Variants in MYO10 observed in about 807,000 individuals in gnomAD.
MYO10 encodes unconventional myosin-X.
MYO10 carries 133 observed loss-of-function variants against 257.3 expected under a neutral mutation model. The ratio of observed to expected loss-of-function variants is 0.52; its 90% CI spans 0.45 to 0.60. MYO10 has a LOEUF of 0.60. Ranked by LOEUF, MYO10 falls within the 20% of genes least tolerant of loss-of-function variation. MYO10 has a pLI of 0.00. For missense variants in MYO10, 2,399 were observed against 2,635.7 expected, an observed-to-expected ratio of 0.91 and a Z score of 1.97; for synonymous variants, 1,104 against 1,028.6, an observed-to-expected ratio of 1.07 and a Z score of -1.40.
chr5:16,718,268 C>CGGGATTTCACCGTGTTAG (rs1738979428), intron 19 of MYO10, among the ~76,000 whole-genome samples: 1 of 152,224 alleles, frequency 6.6e-6, no homozygotes, highest in Admixed American at 6.5e-5. Context: ...GCCGGAGCCT[C>CGGGATTTCACCGTGTTAG]CCTGACGAGC....
chr5:16,876,971 T>C (rs980705566), intron 2 of MYO10, among the ~76,000 whole-genome samples: 5 of 152,178 alleles, frequency 3.3e-5, no homozygotes, highest in Non-Finnish European at 7.4e-5. Flanking sequence ...CCTTCATGAA[T>C]GGGATTAGTG....
chr5:16,774,907 C>T (rs74692849), intron 9 of MYO10, among the ~76,000 whole-genome samples: 4 of 152,126 alleles, frequency 2.6e-5, no homozygotes, highest in African/African-American at 7.2e-5. Flanking sequence ...TTCACGCATG[C>T]GTACACAAGG....
At chr5:16,816,609 CA>C (rs1742620942) in intron 3 of MYO10, among the ~76,000 whole-genome samples, 1 of 151,402 alleles carries the variant, frequency 6.6e-6, no homozygotes, top group South Asian at 2.1e-4. Flanking sequence ...TAGCTCACTG[CA>C]AACTCCGCCT....
intron 1 of MYO10, among the ~76,000 whole-genome samples, chr5:16,892,388 C>A (rs1745084885): frequency 6.6e-6 from 1 of 152,114 alleles, no homozygotes; most frequent in African/African-American, 2.4e-5. Context: ...CGACTGTAAT[C>A]CCAGCATTGT....
intron 2 of MYO10, among the ~76,000 whole-genome samples, chr5:16,865,811 G>GATAATAATAATAATA (rs5866211): frequency 0.08 from 11,425 of 142,450 alleles, 527 homozygotes; most frequent in East Asian, 0.14. Context: ...ACTCCGTCTC[G>GATAATAATAATAATA]ATAATAATAA....
chr5:16,903,068 C>T (rs149004841), intron 1 of MYO10, among the ~76,000 whole-genome samples: 23 of 152,342 alleles, frequency 1.5e-4, no homozygotes, highest in Non-Finnish European at 2.8e-4. Context: ...ACGCTTCACA[C>T]GCACTAACTT....
At chr5:16,687,522 A>ATATATACTCCTACTGTT (rs1363040328) in intron 28 of MYO10, among the ~76,000 whole-genome samples, 3 of 151,434 alleles carry the variant, frequency 2.0e-5, no homozygotes, top group Non-Finnish European at 2.9e-5. Context: ...CACAAAATAT[A>ATATATACTCCTACTGTT]TATATACTCC....
Position 16,754,430 on chromosome 5 carries a change from A to G in MYO10, c.1929+398T>C, listed in dbSNP as rs190953681. On this transcript the variant is annotated intron_variant, in intron 19 of 40. Transcript: ENST00000513610. Reference sequence around the variant, plus strand: ...CCTCTTCATCGTGTTTAAAATAACAATAAAGCAAAAAAAAGAAGGAAAGAA... The same window carrying G: ...CCTCTTCATCGTGTTTAAAATAACAGTAAAGCAAAAAAAAGAAGGAAAGAA... Among the ~76,000 whole-genome samples, 4 of 152,206 alleles carry G rather than the reference A, an allele frequency of 2.6e-5. No individual in the cohort carries two copies. In the East Asian group the frequency reaches 7.7e-4, roughly 29 times the overall value.
intron 1 of MYO10, among the ~76,000 whole-genome samples, chr5:16,886,726 G>A (rs1013955557): frequency 2.6e-5 from 4 of 151,992 alleles, no homozygotes; most frequent in Non-Finnish European, 5.9e-5. Context: ...GAGATCAGGA[G>A]TTTGACACCA....
At position 16,758,103 on chromosome 5, in the gene MYO10, G is replaced by T. The variant is rs370567642; in HGVS notation, c.1848+15C>A. 5.1e-6 allele frequency: 8 copies of T among 1,556,762 alleles called. No individual in the cohort carries two copies. Among genetic ancestry groups the T allele is most frequent in the Middle Eastern group, 1.7e-4 (1 of 5,994 alleles). The stretch of plus-strand genomic sequence containing the variant: ...AGTAACGACGGATTCCTCTAAGCCA[G>T]CAGTGAAAACGAACCTTGAACTGTG... On this transcript the variant is annotated intron_variant, in intron 18 of 40. Coordinates refer to ENST00000513610, the MANE Select transcript of MYO10 (RefSeq NM_012334.3).
At chr5:16,693,758 A>T (rs1008157502) in intron 27 of MYO10, among the ~76,000 whole-genome samples, 3 of 152,148 alleles carry the variant, frequency 2.0e-5, no homozygotes, top group Admixed American at 6.6e-5. Context: ...GTAACTCCCA[A>T]CAATTTTCTG....
At chr5:16,831,858 C>G (rs1743172150) in intron 2 of MYO10, among the ~76,000 whole-genome samples, 1 of 152,094 alleles carries the variant, frequency 6.6e-6, no homozygotes, top group Non-Finnish European at 1.5e-5. Context: ...AACTGTTCCC[C>G]CAATAACCTA....
At chr5:16,735,759 A>T (rs943400735) in intron 19 of MYO10, among the ~76,000 whole-genome samples, 1 of 151,986 alleles carries the variant, frequency 6.6e-6, no homozygotes, top group African/African-American at 2.4e-5. Flanking sequence ...CACTCTAAAA[A>T]ATCCTCCCTG....
At chr5:16,666,903 T>C in intron 40 of MYO10, 110 bp from the exon 41 acceptor site, 1 of 770,796 alleles carries the variant, frequency 1.3e-6, no homozygotes, top group Non-Finnish European at 2.1e-6. Flanking sequence ...CCTTCCATGC[T>C]AATCGACGGA....
At position 16,701,355 on chromosome 5, in the gene MYO10, C is replaced by T. The variant is rs375913968; in HGVS notation, c.3040G>A (p.Gly1014Ser). The T allele has an allele frequency of 2.4e-5, 39 of 1,613,816 alleles. No individual in the cohort carries two copies. The highest frequency in any genetic ancestry group is 2.9e-5 in the Non-Finnish European group (34 of 1,179,872). ...FKDSPNPSEH[G>S]HSDQRTSGIR... ...CCACTTGTTCGCTGGTCTGAGTGGC[C>T]GTGCTCGCTGGGGTTGGGGGAGTCC... The change falls in exon 25 of 41, where the codon GGC becomes AGC. Residue 1014 changes from glycine (G) to serine (S), a missense_variant. Physicochemically the swap from Gly to Ser is moderately conservative, Grantham distance 56 (BLOSUM62 0). Around this residue, in one of 3 missense-constraint regions of MYO10, gnomAD observed 1,820 missense variants for 1,939.4 expected, o/e 0.94. Transcript: ENST00000513610. This position sits in a 1 kb window ranked among gnomAD's most constrained non-coding sequence, Gnocchi z 8.1.
At chr5:16,897,938 C>T (rs191844618) in intron 1 of MYO10, among the ~76,000 whole-genome samples, 62 of 152,314 alleles carry the variant, frequency 4.1e-4, no homozygotes, top group Admixed American at 2.5e-3. Flanking sequence ...TCAAACTCTG[C>T]GGACCCTAAT....
Position 16,758,128 on chromosome 5 carries a change from G to A in MYO10, c.1838C>T (p.Ser613Leu). ...GCAGTGAAAACGAACCTTGAACTGT[G>A]AGCTGACTGTAGGCCGCCGATGTTT... ...GSKHRRPTVS[S>L]QFKDSLHSLM... The change falls in exon 18 of 41, where the codon TCA becomes TTA. Residue 613 changes from serine to leucine, a missense_variant. Transcript: ENST00000513610. The A allele has an allele frequency of 6.2e-7, 1 of 1,608,150 alleles. No individual in the cohort carries two copies. Among genetic ancestry groups the A allele is most frequent in the Non-Finnish European group, 8.5e-7 (1 of 1,174,600 alleles).
At position 16,710,936 on chromosome 5, in the gene MYO10, T is replaced by C. The variant is rs746131349; in HGVS notation, c.2141A>G (p.Asn714Ser). Reference protein sequence around the residue: ...TSLLQLYDASNSEWQLGKTKV... With the variant: ...TSLLQLYDASSSEWQLGKTKV... ...GGTCTTCCCCAGCTGCCACTCGCTG[T>C]TGGAGGCATCATAGAGCTGCAGCAG... The change falls in exon 21 of 41, where the codon AAC becomes AGC. Residue 714 changes from asparagine to serine, a missense_variant. Asn to Ser is a conservative substitution (Grantham distance 46, BLOSUM62 1). Transcript: ENST00000513610. 4 of 1,613,812 alleles carry C rather than the reference T, an allele frequency of 2.5e-6. No homozygotes were observed. The highest frequency in any genetic ancestry group is 3.3e-4 in the Middle Eastern group (2 of 6,062).
chr5:16,731,134 C>A (rs1026095678), intron 19 of MYO10, among the ~76,000 whole-genome samples: 19 of 151,742 alleles, frequency 1.3e-4, no homozygotes, highest in African/African-American at 4.4e-4. Context: ...CAACCTCCAC[C>A]CCCTGGGTTC....
Sources: gnomAD v4.1 joint callset for allele counts (sites outside exome capture counted in the v4.1 genomes callset) on GRCh38, gnomAD v4.1.1 for gene constraint, gnomAD v4.1.1 regional missense constraint, Gnocchi (gnomAD v3.1) non-coding constraint, MANE v1.5 for transcripts, NCBI Gene and HGNC (gene_info 2026-07-23, HGNC 2026-07-21) for gene names.